LRRTM4: variants seen among roughly 807,000 people sequenced by gnomAD.
The protein encoded by LRRTM4 is leucine rich repeat transmembrane neuronal 4.
A neutral mutation model predicts 47.6 loss-of-function variants in LRRTM4; 25 were observed. The observed-to-expected ratio is 0.53, with a 90% confidence interval of 0.38 to 0.73. The LOEUF is 0.73. LRRTM4 is among the 30% of genes least tolerant of loss of function. The pLI is 0.00. For synonymous variants in LRRTM4, 311 were observed against 269.5 expected (o/e 1.15, Z -1.51); for missense variants, 638 against 713.4 (o/e 0.89, Z 1.20).
intron 3 of LRRTM4, among the ~76,000 whole-genome samples, chr2:77,017,105 G>C (rs1436722958): frequency 2.0e-5 from 3 of 152,096 alleles, no homozygotes; most frequent in East Asian, 1.9e-4. Context: ...CTCATTGTTT[G>C]ATAACCCTTA....
At chr2:76,828,275 A>G in intron 3 of LRRTM4, among the ~76,000 whole-genome samples, 1 of 151,914 alleles carries the variant, frequency 6.6e-6, no homozygotes, top group East Asian at 1.9e-4. Context: ...TAAAGTAGGA[A>G]AGCTCTTAAA....
intron 3 of LRRTM4, among the ~76,000 whole-genome samples, chr2:77,100,671 C>T (rs1007571161): frequency 6.6e-6 from 1 of 152,018 alleles, no homozygotes; most frequent in Non-Finnish European, 1.5e-5. Flanking sequence ...TGGGAAAAAT[C>T]ATTGAGGCAA....
chr2:77,386,506 T>C (rs1459344487), intron 3 of LRRTM4, among the ~76,000 whole-genome samples: 4 of 152,196 alleles, frequency 2.6e-5, no homozygotes. Context: ...GTTTTCTTTA[T>C]CCAGAAAATA....
chr2:77,521,723 G>A lies in LRRTM4; in HGVS notation c.-52C>T. ...CCTCTCTCAGCTTTCTTCTTATTTG[G>A]TCTCTTGTGCGGAAACCACCACCAC... On this transcript the variant is annotated 5_prime_UTR_variant, in exon 2 of 4. Transcript: ENST00000409884. 4 of 1,609,210 alleles carry A rather than the reference G, an allele frequency of 2.5e-6. No homozygotes were observed. Among genetic ancestry groups the A allele is most frequent in the Non-Finnish European group, 2.5e-6 (3 of 1,177,490 alleles).
In LRRTM4 at chr2:76,994,771, C is replaced by CA. The variant is rs1378554322; in HGVS notation, c.1552-245856dup. Among the ~76,000 whole-genome samples the CA allele has an allele frequency of 3.3e-5, 5 of 151,846 alleles. No homozygotes were observed. In the East Asian group the frequency reaches 7.7e-4, roughly 23 times the overall value. ...GGTATTTATAGTAAAGGAAATCCAG[C>CA]AAATAATTACATAAAAGTGTATTAT... On this transcript the variant is annotated intron_variant, in intron 3 of 3. Transcript: ENST00000409884.
At chr2:77,221,543 A>T (rs536870887) in intron 3 of LRRTM4, among the ~76,000 whole-genome samples, 2,594 of 152,244 alleles carry the variant, frequency 0.017, 33 homozygotes, top group Middle Eastern at 0.054. Context: ...AAAAAAAGGC[A>T]GGGGTTGCAA....
intron 3 of LRRTM4, among the ~76,000 whole-genome samples, chr2:76,819,622 C>T (rs1670998290): frequency 6.6e-6 from 1 of 151,826 alleles, no homozygotes; most frequent in Non-Finnish European, 1.5e-5. Context: ...AAATCAAAGA[C>T]TTTGCCACAC....
At chr2:76,856,362 T>A (rs1257710771) in intron 3 of LRRTM4, among the ~76,000 whole-genome samples, 2 of 152,162 alleles carry the variant, frequency 1.3e-5, no homozygotes, top group African/African-American at 4.8e-5. Flanking sequence ...TTTAGTTAAT[T>A]TTATATTGGA....
chr2:76,801,176 T>G (rs13407142), intron 3 of LRRTM4, among the ~76,000 whole-genome samples: 68,885 of 151,776 alleles, frequency 0.45, 17,039 homozygotes, highest in East Asian at 0.67. Flanking sequence ...TATACCCAAA[T>G]GCCTATAAAT....
At chr2:77,329,345 T>C (rs1342753312) in intron 3 of LRRTM4, among the ~76,000 whole-genome samples, 2 of 152,204 alleles carry the variant, frequency 1.3e-5, no homozygotes, top group African/African-American at 4.8e-5. Context: ...GGAATCCTTC[T>C]GGGAATTTCC....
At chr2:76,951,491 T>G (rs957289834) in intron 3 of LRRTM4, among the ~76,000 whole-genome samples, 2 of 152,008 alleles carry the variant, frequency 1.3e-5, no homozygotes, top group Non-Finnish European at 2.9e-5. Flanking sequence ...CTGGACCACA[T>G]CTTTTTTTTG....
intron 3 of LRRTM4, among the ~76,000 whole-genome samples, chr2:77,065,936 A>G (rs1423414922): frequency 6.6e-6 from 1 of 152,208 alleles, no homozygotes; most frequent in African/African-American, 2.4e-5. Context: ...CACCAAGCAC[A>G]CAGATAATGC....
chr2:77,081,432 T>A (rs1340275669), intron 3 of LRRTM4, among the ~76,000 whole-genome samples: 1 of 152,198 alleles, frequency 6.6e-6, no homozygotes, highest in African/African-American at 2.4e-5. Flanking sequence ...AATTGGAACA[T>A]AGAAAGTTAA....
intron 3 of LRRTM4, among the ~76,000 whole-genome samples, chr2:77,083,654 GA>G (rs1680603306): frequency 6.6e-6 from 1 of 151,758 alleles, no homozygotes; most frequent in South Asian, 2.1e-4. Context: ...ACTTCATGAT[GA>G]ACAGTTAGTA....
chr2:77,486,081 CTT>C (rs1489987171), intron 3 of LRRTM4, among the ~76,000 whole-genome samples: 1 of 152,126 alleles, frequency 6.6e-6, no homozygotes, highest in East Asian at 1.9e-4. Context: ...CAGGGACACA[CTT>C]AATAAATATT....
At chr2:76,790,794 C>T (rs1674932778) in intron 3 of LRRTM4, among the ~76,000 whole-genome samples, 1 of 151,528 alleles carries the variant, frequency 6.6e-6, no homozygotes, top group Non-Finnish European at 1.5e-5. Flanking sequence ...GATATAATTT[C>T]ACTGTTTCTG....
chr2:77,135,166 T>C (rs1254703443), intron 3 of LRRTM4, among the ~76,000 whole-genome samples: 1 of 152,132 alleles, frequency 6.6e-6, no homozygotes, highest in East Asian at 1.9e-4. Context: ...CTCCACAGAA[T>C]CAGTTCCTTC....
chr2:77,159,914 C>A (rs1672665083), intron 3 of LRRTM4, among the ~76,000 whole-genome samples: 1 of 152,168 alleles, frequency 6.6e-6, no homozygotes, highest in African/African-American at 2.4e-5. Flanking sequence ...GTGACAGAAT[C>A]AATCTAACAC....
At chr2:77,142,267 A>C (rs974657251) in intron 3 of LRRTM4, among the ~76,000 whole-genome samples, 2 of 152,270 alleles carry the variant, frequency 1.3e-5, no homozygotes, top group African/African-American at 4.8e-5. Context: ...AGATTTTGGA[A>C]GATTTTTTAG....
Sources: gnomAD v4.1 joint callset for allele counts (sites outside exome capture counted in the v4.1 genomes callset) on GRCh38, gnomAD v4.1.1 for gene constraint, MANE v1.5 for transcripts, NCBI Gene and HGNC (gene_info 2026-07-23, HGNC 2026-07-21) for gene names.